Variants in ALMS1 observed in about 807,000 individuals in gnomAD.
ALMS1 encodes ALMS1 centrosome and basal body associated protein.
A neutral mutation model predicts 352.2 loss-of-function variants in ALMS1; 271 were observed. That is an observed-to-expected ratio of 0.77 (90% CI 0.70 to 0.85). ALMS1 has a LOEUF of 0.85. ALMS1 is among the 40% of genes least tolerant of loss of function. ALMS1 has a pLI of 0.00. For missense variants in ALMS1, 5,445 were observed against 4,870.7 expected, an observed-to-expected ratio of 1.12 and a Z score of -3.51; for synonymous variants, 1,865 against 1,761.2, an observed-to-expected ratio of 1.06 and a Z score of -1.48.
At chr2:73,469,361 A>G (rs1212419856) in intron 9 of ALMS1, among the ~76,000 whole-genome samples, 1 of 151,956 alleles carries the variant, frequency 6.6e-6, no homozygotes, top group African/African-American at 2.4e-5. Context: ...AAAAATTCCA[A>G]ATCAGCAGAC....
chr2:73,401,144 G>A (rs1670864870), intron 1 of ALMS1, among the ~76,000 whole-genome samples: 1 of 152,156 alleles, frequency 6.6e-6, no homozygotes, highest in Admixed American at 6.5e-5. Flanking sequence ...CTGGCCAGAG[G>A]TTTATTGATT....
chr2:73,490,985 A>G lies in ALMS1; in HGVS notation c.9026A>G (p.Asn3009Ser), dbSNP rs757198941. Residue 3009 changes from asparagine (N) to serine (S), a missense_variant, in exon 10 of 23, where the codon AAT becomes AGT. Physicochemically the swap from Asn to Ser is conservative, Grantham distance 46. Transcript: ENST00000613296. Reference sequence around the variant, plus strand: ...CATAAGCCTAAATCACACATTTCTAATATAAATGTTGAAGCCAAGTTCAAT... The same window carrying G: ...CATAAGCCTAAATCACACATTTCTAGTATAAATGTTGAAGCCAAGTTCAAT... Reference protein sequence around the residue: ...NQHKPKSHISNINVEAKFNTV... With the variant: ...NQHKPKSHISSINVEAKFNTV... 6 of 1,614,212 alleles carry G rather than the reference A, an allele frequency of 3.7e-6. No individual in the cohort carries two copies. The South Asian group carries it at 5.5e-5, about 15-fold the overall frequency.
At chr2:73,530,230 A>T (rs1396992311) in intron 11 of ALMS1, among the ~76,000 whole-genome samples, 1 of 152,242 alleles carries the variant, frequency 6.6e-6, no homozygotes, top group Non-Finnish European at 1.5e-5. Context: ...GTGAGCCTGT[A>T]AAATAAAAAA....
chr2:73,498,289 G>A (rs1375703794), intron 10 of ALMS1, among the ~76,000 whole-genome samples: 2 of 151,560 alleles, frequency 1.3e-5, no homozygotes, highest in African/African-American at 2.4e-5. Context: ...ATTTTCATTG[G>A]TACATAGTAG....
chr2:73,474,955 T>C (rs1672553611), intron 9 of ALMS1, among the ~76,000 whole-genome samples: 1 of 152,116 alleles, frequency 6.6e-6, no homozygotes, highest in Non-Finnish European at 1.5e-5. Context: ...TCCCAATTCT[T>C]TTTTGCCAAT....
chr2:73,588,672 G>T (rs1226188736), intron 16 of ALMS1, among the ~76,000 whole-genome samples: 1 of 152,080 alleles, frequency 6.6e-6, no homozygotes, highest in Non-Finnish European at 1.5e-5. Context: ...GCTGAAGATG[G>T]TGAATGATTT....
intron 3 of ALMS1, among the ~76,000 whole-genome samples, chr2:73,421,768 T>G (rs1470023611): frequency 6.6e-6 from 1 of 152,160 alleles, no homozygotes; most frequent in Non-Finnish European, 1.5e-5. Flanking sequence ...GTGTTTTGAC[T>G]AAGTAAAGGA....
At chr2:73,484,695 A>G (rs557784914) in intron 9 of ALMS1, among the ~76,000 whole-genome samples, 221 of 151,114 alleles carry the variant, frequency 1.5e-3, no homozygotes, top group African/African-American at 3.9e-3. Flanking sequence ...CATTCTCCCC[A>G]TCACTTTCAG....
Position 73,516,594 on chromosome 2 carries a change from A to C in ALMS1, c.9540-3181A>C, listed in dbSNP as rs1673561372. ...ATCTTTGGTTTTTCAACAACTAAAT[A>C]TTGTAAGAACTCAGTTGAGGCTTTC... On this transcript the variant is annotated intron_variant, in intron 10 of 22. Coordinates refer to ENST00000613296, the MANE Select transcript of ALMS1 (RefSeq NM_001378454.1). Among the ~76,000 whole-genome samples the C allele has an allele frequency of 7.9e-5, 12 of 152,236 alleles. No homozygotes were observed. The South Asian group carries it at 2.5e-3, about 32-fold the overall frequency.
chr2:73,434,879 C>T (rs1202871330), intron 7 of ALMS1, among the ~76,000 whole-genome samples: 1 of 152,160 alleles, frequency 6.6e-6, no homozygotes, highest in Non-Finnish European at 1.5e-5. Context: ...TCACTGCAAC[C>T]TCTACCTTCT....
intron 16 of ALMS1, among the ~76,000 whole-genome samples, chr2:73,588,948 A>G (rs1365574038): frequency 3.3e-5 from 5 of 152,192 alleles, no homozygotes; most frequent in Admixed American, 3.3e-4. Flanking sequence ...ATACGTTTAC[A>G]GAGAAAGAGT....
At chr2:73,584,137 A>C (rs1035951864) in intron 16 of ALMS1, among the ~76,000 whole-genome samples, 1 of 152,138 alleles carries the variant, frequency 6.6e-6, no homozygotes, top group Non-Finnish European at 1.5e-5. Context: ...GAAACTATCT[A>C]TTGGCTCTAT....
intron 10 of ALMS1, among the ~76,000 whole-genome samples, chr2:73,519,011 A>G (rs889432048): frequency 6.6e-6 from 1 of 152,168 alleles, no homozygotes; most frequent in African/African-American, 2.4e-5. Flanking sequence ...TGTGTCTGGA[A>G]TGGTATTGTC....
rs2103776152 is a variant in ALMS1 at position 73,449,215 on chromosome 2, G to A, written c.2688G>A (p.Gln896=). 1 of 1,614,126 alleles carries A rather than the reference G, an allele frequency of 6.2e-7. No homozygotes were observed. Among genetic ancestry groups the A allele is most frequent in the South Asian group, 1.1e-5 (1 of 91,084 alleles). ...KVSIVPGPGD[Q]KTGIPSAPSS... is the part of the protein sequence containing the mutation. ...CAATTGTTCCTGGACCAGGTGATCA[G>A]AAGACTGGGATACCCTCAGCACCAT... Residue 896 remains glutamine (Q), a synonymous_variant, in exon 8 of 23, where the codon CAG becomes CAA. Coordinates refer to ENST00000613296, the MANE Select transcript of ALMS1 (RefSeq NM_001378454.1).
chr2:73,440,613 C>T (rs565563608), intron 7 of ALMS1, among the ~76,000 whole-genome samples: 5 of 151,830 alleles, frequency 3.3e-5, no homozygotes, highest in South Asian at 2.1e-4. Flanking sequence ...TTAGTAGAGA[C>T]GGGGTTTCAT....
chr2:73,467,752 G>T (rs1193093438), intron 9 of ALMS1, among the ~76,000 whole-genome samples: 1 of 152,026 alleles, frequency 6.6e-6, no homozygotes, highest in Admixed American at 6.6e-5. Flanking sequence ...ATCCTGTGTA[G>T]CCATAAAAGA....
At chr2:73,499,225 A>G (rs1673170625) in intron 10 of ALMS1, among the ~76,000 whole-genome samples, 1 of 151,998 alleles carries the variant, frequency 6.6e-6, no homozygotes, top group East Asian at 1.9e-4. Flanking sequence ...GAATTGTTTG[A>G]GCTCTTTATG....
intron 19 of ALMS1, 84 bp downstream of exon 19, chr2:73,601,520 G>A (rs1437919294): frequency 1.9e-6 from 3 of 1,560,050 alleles, no homozygotes; most frequent in East Asian, 4.8e-5. Flanking sequence ...GTGACTTGGT[G>A]AGCTGAGGTG....
intron 15 of ALMS1, among the ~76,000 whole-genome samples, chr2:73,562,276 C>T (rs909843137): frequency 2.0e-5 from 3 of 152,076 alleles, no homozygotes; most frequent in African/African-American, 7.2e-5. Context: ...AGTGATCTTC[C>T]CACCTCAGCC....
Sources: allele counts gnomAD v4.1 joint callset (sites outside exome capture counted in the v4.1 genomes callset), GRCh38; gene constraint gnomAD v4.1.1; transcripts MANE v1.5; gene names NCBI Gene and HGNC (gene_info 2026-07-23, HGNC 2026-07-21).